Variants in SEMA5A observed in about 807,000 individuals in gnomAD.
SEMA5A encodes the protein semaphorin 5A.
SEMA5A carries 55 observed loss-of-function variants against 135.5 expected under a neutral mutation model. The ratio of observed to expected loss-of-function variants is 0.41; its 90% confidence interval spans 0.33 to 0.51. SEMA5A has a LOEUF of 0.51. Ranked by LOEUF, SEMA5A falls within the 20% of genes least tolerant of loss-of-function variation. The pLI, the probability that SEMA5A is intolerant of heterozygous loss-of-function variation, is 0.37. For missense variants in SEMA5A, 1,290 were observed against 1,419.9 expected, an observed-to-expected ratio of 0.91 and a Z score of 1.47; for synonymous variants, 580 against 546.5, an observed-to-expected ratio of 1.06 and a Z score of -0.85.
chr5:9,250,876 T>C (rs972889286), intron 5 of SEMA5A, among the ~76,000 whole-genome samples: 3 of 152,066 alleles, frequency 2.0e-5, no homozygotes, highest in Non-Finnish European at 4.4e-5. Flanking sequence ...ATAAGAAAAA[T>C]AGACTAACAA....
intron 16 of SEMA5A, among the ~76,000 whole-genome samples, chr5:9,071,537 T>A (rs530105480): frequency 6.6e-6 from 1 of 152,342 alleles, no homozygotes; most frequent in African/African-American, 2.4e-5. Context: ...CAGATAAGTC[T>A]ACTGAGATGA....
At chr5:9,076,545 A>G (rs1412496628) in intron 16 of SEMA5A, among the ~76,000 whole-genome samples, 1 of 152,210 alleles carries the variant, frequency 6.6e-6, no homozygotes, top group Non-Finnish European at 1.5e-5. Flanking sequence ...TGGGTGGTGG[A>G]CACCCTAAAT....
At chr5:9,382,319 A>G (rs1755654067) in intron 2 of SEMA5A, among the ~76,000 whole-genome samples, 2 of 151,980 alleles carry the variant, frequency 1.3e-5, no homozygotes, top group South Asian at 4.2e-4. Flanking sequence ...ATAATAAATA[A>G]ATGAATACAT....
In SEMA5A at chr5:9,054,263, A is replaced by C. The variant is rs1736764472; in HGVS notation, c.2519-6T>G. 1.2e-6 allele frequency: 2 copies of C among 1,610,878 alleles called. No homozygotes were observed. The highest frequency in any genetic ancestry group is 1.7e-5 in the Admixed American group (1 of 59,486). On this transcript the variant is annotated splice_region_variant and splice_polypyrimidine_tract_variant and intron_variant, in intron 18 of 22. Coordinates refer to ENST00000382496, the MANE Select transcript of SEMA5A (RefSeq NM_003966.3). ...GCAAGACCACACGCCATCCACTGTG[A>C]AGAAACACAATGTCACAGCTCTTCT... is the stretch of plus-strand genomic sequence containing the variant.
chr5:9,192,147 G>A (rs1745144257), intron 10 of SEMA5A, among the ~76,000 whole-genome samples: 1 of 152,122 alleles, frequency 6.6e-6, no homozygotes, highest in Non-Finnish European at 1.5e-5. Flanking sequence ...TAGGTGAAGG[G>A]CTCAGCCCTG....
chr5:9,116,472 A>C (rs777506086), intron 15 of SEMA5A, among the ~76,000 whole-genome samples: 6 of 152,206 alleles, frequency 3.9e-5, no homozygotes, highest in African/African-American at 1.2e-4. Context: ...TTTAAAGTAC[A>C]TGTAAAAATT....
At chr5:9,338,892 G>A (rs1032220777) in intron 3 of SEMA5A, among the ~76,000 whole-genome samples, 3 of 152,096 alleles carry the variant, frequency 2.0e-5, no homozygotes, top group Admixed American at 2.0e-4. Flanking sequence ...GTGAATGAGA[G>A]GGACTATTTT....
chr5:9,037,050 C>G lies in SEMA5A; in HGVS notation c.*5847G>C, dbSNP rs185680580. ...AAATTGCCAAAAGGCTGAGAAAGAACAAGATCACATTTCAACTACTGGCCC... is the reference window on the plus strand; with the variant it reads ...AAATTGCCAAAAGGCTGAGAAAGAAGAAGATCACATTTCAACTACTGGCCC... On this transcript the variant is annotated 3_prime_UTR_variant, in exon 23 of 23. Transcript: ENST00000382496. 211 of 152,258 alleles carry G rather than the reference C, an allele frequency of 1.4e-3. No homozygotes were observed. Among genetic ancestry groups the G allele is most frequent in the African/African-American group, 4.8e-3 (201 of 41,554 alleles). The allele number at this position is 152,258 out of a possible 1,614,324, so 9.4% of individuals were successfully genotyped here.
chr5:9,223,676 T>C (rs151225808), intron 8 of SEMA5A, among the ~76,000 whole-genome samples: 71 of 152,364 alleles, frequency 4.7e-4, no homozygotes, highest in African/African-American at 1.6e-3. Flanking sequence ...AAGATTTCAC[T>C]TTTGTACAAA....
intron 16 of SEMA5A, among the ~76,000 whole-genome samples, chr5:9,097,962 G>A (rs980253417): frequency 6.6e-6 from 1 of 152,112 alleles, no homozygotes; most frequent in East Asian, 1.9e-4. Flanking sequence ...AAAAAATAAG[G>A]GCTGAGTGTG....
At chr5:9,320,658 C>T (rs2150674176) in intron 4 of SEMA5A, among the ~76,000 whole-genome samples, 1 of 152,298 alleles carries the variant, frequency 6.6e-6, no homozygotes, top group East Asian at 1.9e-4. Context: ...GTCAAGGCTC[C>T]AGTGAGCCAC....
At position 9,066,707 on chromosome 5, in the gene SEMA5A, G is replaced by C. The variant is rs370456032; in HGVS notation, c.2074-61C>G. The C allele has an allele frequency of 6.2e-6, 9 of 1,444,480 alleles. No homozygotes were observed. The African/African-American group carries it at 8.4e-5, about 13-fold the overall frequency. 89.5% of individuals were successfully genotyped at this position (1,444,480 alleles called of 1,614,324 possible). A position where few individuals can be genotyped will look rare whatever the true frequency, so the allele number is the denominator to read the frequency against. On this transcript the variant is annotated intron_variant, in intron 16 of 22. Coordinates refer to ENST00000382496, the MANE Select transcript of SEMA5A (RefSeq NM_003966.3). ...GGTAAACAGAGCAACCTCACGAAGG[G>C]CTCCTTTCCTTTAGGGAAAGATAAG...
At chr5:9,423,883 G>T (rs190436434) in intron 2 of SEMA5A, among the ~76,000 whole-genome samples, 1 of 152,282 alleles carries the variant, frequency 6.6e-6, no homozygotes, top group Non-Finnish European at 1.5e-5. Flanking sequence ...ACTGCAGCTG[G>T]AACTGACACT....
chr5:9,191,427 T>C (rs536277935), intron 10 of SEMA5A, among the ~76,000 whole-genome samples: 1 of 152,270 alleles, frequency 6.6e-6, no homozygotes, highest in South Asian at 2.1e-4. Flanking sequence ...TACCAATCCT[T>C]CTCATGTCTT....
At chr5:9,490,178 A>T (rs1003242642) in intron 1 of SEMA5A, among the ~76,000 whole-genome samples, 11 of 152,186 alleles carry the variant, frequency 7.2e-5, no homozygotes, top group African/African-American at 2.7e-4. Context: ...TGCTCATTTG[A>T]CTAAAAATTT....
intron 3 of SEMA5A, among the ~76,000 whole-genome samples, chr5:9,374,206 T>G (rs1755261814): frequency 1.3e-5 from 2 of 152,094 alleles, no homozygotes; most frequent in African/African-American, 4.8e-5. Flanking sequence ...AAGCGTGTTA[T>G]GCAATGAACT....
intron 1 of SEMA5A, chr5:9,498,793 G>C (rs1266066265): frequency 6.6e-6 from 1 of 152,126 alleles, no homozygotes; most frequent in Non-Finnish European, 1.5e-5. Flanking sequence ...TGCATACCTG[G>C]AATCAAACTT....
At chr5:9,305,723 T>TAC (rs1221801527) in intron 5 of SEMA5A, among the ~76,000 whole-genome samples, 1 of 119,570 alleles carries the variant, frequency 8.4e-6, no homozygotes, top group Non-Finnish European at 1.7e-5. Context: ...TATATATATA[T>TAC]ATATTTACAC....
chr5:9,508,062 C>G (rs1371990784), intron 1 of SEMA5A, among the ~76,000 whole-genome samples: 12 of 151,922 alleles, frequency 7.9e-5, no homozygotes, highest in Admixed American at 5.9e-4. Flanking sequence ...CTTGGGGAAG[C>G]ATTTCCAGAA....
Sources: allele counts gnomAD v4.1 joint callset (sites outside exome capture counted in the v4.1 genomes callset), GRCh38; gene constraint gnomAD v4.1.1; transcripts MANE v1.5; gene names NCBI Gene and HGNC (gene_info 2026-07-23, HGNC 2026-07-21).